Variants in FAM13B observed in about 807,000 individuals in gnomAD.
FAM13B encodes the protein protein FAM13B.
A neutral mutation model predicts 117.3 loss-of-function variants in FAM13B; 60 were observed. The observed-to-expected ratio is 0.51, with a 90% confidence interval of 0.42 to 0.63. FAM13B has a LOEUF of 0.63. Among genes scored for constraint, FAM13B ranks in the 30% least tolerant of loss-of-function variants. The pLI is 0.00. For synonymous variants in FAM13B, 332 were observed against 356.1 expected, an observed-to-expected ratio of 0.93 and a Z score of 0.76; for missense variants, 972 against 1,091.9, an observed-to-expected ratio of 0.89 and a Z score of 1.55.
chr5:137,983,520 G>C (rs951190782), intron 10 of FAM13B, among the ~76,000 whole-genome samples: 1 of 152,088 alleles, frequency 6.6e-6, no homozygotes, highest in African/African-American at 2.4e-5. Context: ...AGTCGAGAGA[G>C]GGTTTTTTCT....
intron 15 of FAM13B, 93 bp from the exon 16 acceptor site, chr5:137,953,558 A>C (rs1460807542): frequency 3.8e-6 from 5 of 1,327,186 alleles, no homozygotes; most frequent in Non-Finnish European, 5.2e-6. Context: ...GCAATAAGTA[A>C]ATCTTAAAGG....
chr5:137,943,901 C>CT (rs1762621547), intron 20 of FAM13B, among the ~76,000 whole-genome samples: 1 of 151,980 alleles, frequency 6.6e-6, no homozygotes, highest in African/African-American at 2.4e-5. Flanking sequence ...ATAAAATTCA[C>CT]CCTTTTAAAA....
At chr5:137,962,073 C>T (rs1054204472) in intron 11 of FAM13B, among the ~76,000 whole-genome samples, 6 of 152,276 alleles carry the variant, frequency 3.9e-5, no homozygotes, top group East Asian at 1.9e-4. Flanking sequence ...TACACAGTTA[C>T]AAGATCATGA....
At chr5:137,943,497 A>C (rs569953218) in intron 20 of FAM13B, among the ~76,000 whole-genome samples, 1 of 152,264 alleles carries the variant, frequency 6.6e-6, no homozygotes, top group Non-Finnish European at 1.5e-5. Context: ...CTGTAATCCC[A>C]GCACTTTGGG....
intron 1 of FAM13B, among the ~76,000 whole-genome samples, chr5:138,041,892 CAAAA>C (rs879539600): frequency 5.9e-5 from 8 of 134,668 alleles, no homozygotes. Flanking sequence ...GACCCTGTCT[CAAAA>C]AAAAAAAAAA....
chr5:137,972,459 T>C (rs1251849254), intron 10 of FAM13B, among the ~76,000 whole-genome samples: 3 of 150,736 alleles, frequency 2.0e-5, no homozygotes, highest in Non-Finnish European at 4.5e-5. Flanking sequence ...GGGACGTATC[T>C]CAAAATAATA....
Position 137,946,254 on chromosome 5 carries a change from AAAG to A in FAM13B, c.2215_2217del (p.Leu739del). On this transcript the variant is annotated inframe_deletion, in exon 19 of 24. Transcript: ENST00000689681. ...GGCCTTCCATGTTGACTTTCATAGT[AAAG>A]AAGACTTTTCTGAAGAGAAGCTTTC... 2 of 1,593,050 alleles carry A rather than the reference AAAG, an allele frequency of 1.3e-6. No individual in the cohort carries two copies.
At chr5:138,044,552 G>GAAAA (rs34297403) in intron 1 of FAM13B, among the ~76,000 whole-genome samples, 2 of 108,096 alleles carry the variant, frequency 1.9e-5, no homozygotes, top group African/African-American at 3.6e-5. Flanking sequence ...ACTCCATCTC[G>GAAAA]AAAAAAAAAA....
intron 15 of FAM13B, 100 bp downstream of exon 15, chr5:137,954,065 TG>T: frequency 2.0e-6 from 1 of 499,342 alleles, no homozygotes; most frequent in Non-Finnish European, 3.3e-6. Context: ...TTTTTTGAGA[TG>T]GAGTTTCACT....
Position 138,032,824 on chromosome 5 carries a change from T to C in FAM13B, c.-245A>G, listed in dbSNP as rs2151099168. ...CCCGTTCCCTGGCCGCGGCCGCTTC[T>C]CCAGGACCCGCGGCGACGGCAAGAG... On this transcript the variant is annotated 5_prime_UTR_variant, in exon 1 of 24. Transcript: ENST00000689681. The C allele has an allele frequency of 1.0e-6, 1 of 985,612 alleles. No homozygotes were observed. The highest frequency in any genetic ancestry group is 1.7e-5 in the African/African-American group (1 of 57,318). 61.1% of individuals were successfully genotyped at this position (985,612 alleles called of 1,614,324 possible). A position where few individuals can be genotyped will look rare whatever the true frequency, so the allele number is the denominator to read the frequency against.
At chr5:137,956,678 G>A (rs921204238) in intron 13 of FAM13B, 136 bp from the exon 14 acceptor site, 1 of 377,848 alleles carries the variant, frequency 2.6e-6, no homozygotes, top group Non-Finnish European at 4.7e-6. Context: ...GTTCAAAAAC[G>A]TTATTAAAAG....
chr5:138,031,409 A>G lies in FAM13B; in HGVS notation c.-203+1373T>C, dbSNP rs1480865876. Among the ~76,000 whole-genome samples, 4 of 152,132 alleles carry G rather than the reference A, an allele frequency of 2.6e-5. No individual in the cohort carries two copies. The East Asian group carries it at 7.7e-4, about 29-fold the overall frequency. ...CGGATTAAAAAAGTAAGAAGGGGGC[A>G]AGGCACGGTGACTCACGCCTGTAAT... On this transcript the variant is annotated intron_variant, in intron 1 of 23. Coordinates refer to ENST00000689681, the MANE Select transcript of FAM13B (RefSeq NM_001385994.1).
Position 138,013,501 on chromosome 5 carries a change from C to CAA in FAM13B, c.371-1558_371-1557dup, listed in dbSNP as rs376873284. Among the ~76,000 whole-genome samples, 543 of 137,406 alleles carry CAA rather than the reference C, an allele frequency of 4.0e-3. 3 individuals carry two copies. The highest frequency in any genetic ancestry group is 0.019 in the South Asian group (83 of 4,328). The allele number at this position is 137,406 out of a possible 152,430, so 90.1% of individuals were successfully genotyped here. A position where few individuals can be genotyped will look rare whatever the true frequency, so the allele number is the denominator to read the frequency against. ...GGGGGACAGAGCAAGACTCCATCTC[C>CAA]AAAAAAAAAAAAAAAATTTTAAGTT... is the stretch of plus-strand genomic sequence containing the variant. On this transcript the variant is annotated intron_variant, in intron 4 of 23. Transcript: ENST00000689681.
intron 1 of FAM13B, among the ~76,000 whole-genome samples, chr5:138,042,609 A>G (rs1241487127): frequency 6.9e-6 from 1 of 145,658 alleles, no homozygotes; most frequent in African/African-American, 2.6e-5. Context: ...CATCATGTTT[A>G]GGGATACAAA....
At chr5:137,956,038 G>A (rs1324602174) in intron 14 of FAM13B, among the ~76,000 whole-genome samples, 2 of 152,150 alleles carry the variant, frequency 1.3e-5, no homozygotes, top group South Asian at 2.1e-4. Context: ...CAAGAGTGAT[G>A]TTTTCTTTTT....
chr5:138,035,887 A>G (rs1326123557), upstream of FAM13B, among the ~76,000 whole-genome samples: 1 of 152,204 alleles, frequency 6.6e-6, no homozygotes, highest in African/African-American at 2.4e-5. Flanking sequence ...TTTTTCATGG[A>G]TACCTCAGAG....
At position 137,940,197 on chromosome 5, in the gene FAM13B, T is replaced by A; in HGVS notation, c.*28A>T. On this transcript the variant is annotated 3_prime_UTR_variant, in exon 24 of 24. Coordinates refer to ENST00000689681, the MANE Select transcript of FAM13B (RefSeq NM_001385994.1). ...TAGCTTCAAGGAATACAACTGACTT[T>A]ATGATATGAATTTTCAAGGAACGTA... 6.2e-7 allele frequency: 1 copy of A among 1,613,948 alleles called. No homozygotes were observed. The highest frequency in any genetic ancestry group is 8.5e-7 in the Non-Finnish European group (1 of 1,179,878).
rs528890009 is a variant in FAM13B at position 138,027,762 on chromosome 5, C to T, written c.-203+5020G>A. 2.6e-5 allele frequency among the ~76,000 whole-genome samples: 4 copies of T among 152,322 alleles called. No homozygotes were observed. The East Asian group carries it at 5.8e-4, about 22-fold the overall frequency. On this transcript the variant is annotated intron_variant, in intron 1 of 23. Coordinates refer to ENST00000689681, the MANE Select transcript of FAM13B (RefSeq NM_001385994.1). Reference sequence around the variant, plus strand: ...AAATCTCATCTAGAATTGTAATCCTCACGTGTGGAGAGAAGGAGGTGATTG... The same window carrying T: ...AAATCTCATCTAGAATTGTAATCCTTACGTGTGGAGAGAAGGAGGTGATTG...
rs1476074313 is a variant in FAM13B at position 138,011,211 on chromosome 5, G to T, written c.549-62C>A. 2.1e-6 allele frequency: 3 copies of T among 1,450,034 alleles called. No homozygotes were observed. In the African/African-American group the frequency reaches 4.3e-5, roughly 21 times the overall value. The allele number at this position is 1,450,034 out of a possible 1,614,324, so 89.8% of individuals were successfully genotyped here. A position where few individuals can be genotyped will look rare whatever the true frequency, so the allele number is the denominator to read the frequency against. ...AAATCAATCACAGGTAAAGGTAGAAGACAACCAATGAGATACTTTATGAAC... is the reference window on the plus strand; with the variant it reads ...AAATCAATCACAGGTAAAGGTAGAATACAACCAATGAGATACTTTATGAAC... On this transcript the variant is annotated intron_variant, in intron 5 of 23. Transcript: ENST00000689681.
Sources: gnomAD v4.1 joint callset for allele counts (sites outside exome capture counted in the v4.1 genomes callset) on GRCh38, gnomAD v4.1.1 for gene constraint, MANE v1.5 for transcripts, NCBI Gene and HGNC (gene_info 2026-07-23, HGNC 2026-07-21) for gene names.